Variants in RTTN observed in about 807,000 individuals in gnomAD.
The protein encoded by RTTN is rotatin.
RTTN carries 182 observed loss-of-function variants against 269.2 expected under a neutral mutation model. The ratio of observed to expected loss-of-function variants is 0.68; its 90% CI spans 0.60 to 0.76. RTTN has a LOEUF of 0.76. RTTN is among the 30% of genes least tolerant of loss of function. RTTN has a pLI of 0.00. For synonymous variants in RTTN, 1,006 were observed against 963.5 expected (o/e 1.04, Z -0.82); for missense variants, 2,545 against 2,608.6 (o/e 0.98, Z 0.53).
chr18:70,089,367 G>C (rs558544686), intron 30 of RTTN, among the ~76,000 whole-genome samples: 1 of 152,342 alleles, frequency 6.6e-6, no homozygotes, highest in South Asian at 2.1e-4. Flanking sequence ...AAATCAGGAA[G>C]AGTGCCCTAC....
chr18:70,073,473 A>T (rs1472246443), intron 34 of RTTN, among the ~76,000 whole-genome samples: 2 of 152,184 alleles, frequency 1.3e-5, no homozygotes, highest in Non-Finnish European at 2.9e-5. Flanking sequence ...ATTTCAGGGT[A>T]ATCAACCATT....
intron 17 of RTTN, among the ~76,000 whole-genome samples, chr18:70,147,239 C>T (rs1466382154): frequency 6.6e-6 from 1 of 152,108 alleles, no homozygotes; most frequent in Non-Finnish European, 1.5e-5. Flanking sequence ...AACAGTAGAT[C>T]ACATATGCAA....
chr18:70,085,757 A>G (rs1458091549), intron 32 of RTTN, among the ~76,000 whole-genome samples: 1 of 152,176 alleles, frequency 6.6e-6, no homozygotes, highest in Non-Finnish European at 1.5e-5. Context: ...CTCACGTATA[A>G]GTGGGAGCTA....
intron 35 of RTTN, among the ~76,000 whole-genome samples, chr18:70,061,730 G>A (rs1198686590): frequency 3.3e-5 from 5 of 151,952 alleles, no homozygotes; most frequent in South Asian, 2.1e-4. Context: ...CTGGCTACTC[G>A]GGATGAGGTG....
At chr18:70,167,650 G>A (rs557474244) in intron 12 of RTTN, among the ~76,000 whole-genome samples, 5 of 150,778 alleles carry the variant, frequency 3.3e-5, no homozygotes, top group Admixed American at 1.3e-4. Flanking sequence ...CTTGCAGTGC[G>A]CCAAGACTGC....
At chr18:70,084,092 A>T (rs2058640530) in intron 32 of RTTN, among the ~76,000 whole-genome samples, 1 of 152,160 alleles carries the variant, frequency 6.6e-6, no homozygotes, top group African/African-American at 2.4e-5. Flanking sequence ...GCTACTGTGC[A>T]GAGGAAGGAG....
intron 14 of RTTN, among the ~76,000 whole-genome samples, chr18:70,153,363 A>G (rs1338166145): frequency 6.6e-6 from 1 of 152,062 alleles, no homozygotes; most frequent in Non-Finnish European, 1.5e-5. Context: ...TATTACATAC[A>G]TCTCTCTCTG....
At chr18:70,024,962 T>A (rs2145555205) in intron 43 of RTTN, 114 bp from the exon 44 acceptor site, 1 of 1,209,358 alleles carries the variant, frequency 8.3e-7, no homozygotes, top group South Asian at 1.6e-5. Context: ...ACCCTGTGGA[T>A]GGCTTCAGCA....
chr18:70,199,118 C>T (rs905054929), intron 5 of RTTN, among the ~76,000 whole-genome samples: 22 of 152,020 alleles, frequency 1.4e-4, no homozygotes, highest in African/African-American at 5.1e-4. Flanking sequence ...ACCCAGGAGG[C>T]GGAGGTTGCA....
chr18:70,163,228 A>G (rs1261567722), intron 14 of RTTN, among the ~76,000 whole-genome samples: 1 of 151,960 alleles, frequency 6.6e-6, no homozygotes, highest in Non-Finnish European at 1.5e-5. Context: ...CTAAAAATAC[A>G]AAACTTAGCT....
rs771453755 is a variant in RTTN at position 70,087,994 on chromosome 18, G to A, written c.4297C>T (p.Arg1433Trp). 6 of 1,612,028 alleles carry A rather than the reference G, an allele frequency of 3.7e-6. No homozygotes were observed. Among genetic ancestry groups the A allele is most frequent in the East Asian group, 2.2e-5 (1 of 44,850 alleles). ...LDQSECSMVR[R>W]EAAFILQNLL... ...AGGAGAAAAGACAGACATACCTCCC[G>A]GCGCACCATACTACATTCTGACTGG... The change falls in exon 31 of 49, where the codon CGG becomes TGG. Residue 1433 changes from arginine to tryptophan, a missense_variant. Coordinates refer to ENST00000640769, the MANE Select transcript of RTTN (RefSeq NM_173630.4).
At position 70,197,654 on chromosome 18, in the gene RTTN, C is replaced by A; in HGVS notation, c.663G>T (p.Glu221Asp). Reference protein sequence around the residue: ...KDVIMQDFPAEIFLQRPKIVQ... With the variant: ...KDVIMQDFPADIFLQRPKIVQ... Reference sequence around the variant, plus strand: ...CAATTTTTGGCCTTTGAAGGAAAATCTCAGCAGGAAAATCTTGCATGATAA... The same window carrying A: ...CAATTTTTGGCCTTTGAAGGAAAATATCAGCAGGAAAATCTTGCATGATAA... Residue 221 changes from glutamate to aspartate, a missense_variant, in exon 6 of 49, where the codon GAG becomes GAT. Coordinates refer to ENST00000640769, the MANE Select transcript of RTTN (RefSeq NM_173630.4). 1 of 1,613,684 alleles carries A rather than the reference C, an allele frequency of 6.2e-7. No individual in the cohort carries two copies. Among genetic ancestry groups the A allele is most frequent in the South Asian group, 1.1e-5 (1 of 91,062 alleles).
At chr18:70,143,268 T>A (rs937760554) in intron 18 of RTTN, among the ~76,000 whole-genome samples, 1 of 152,114 alleles carries the variant, frequency 6.6e-6, no homozygotes, top group Non-Finnish European at 1.5e-5. Context: ...CAAATACAAA[T>A]CATTCTACCA....
chr18:70,105,543 G>C (rs2059299311), intron 28 of RTTN, among the ~76,000 whole-genome samples: 2 of 152,152 alleles, frequency 1.3e-5, no homozygotes, highest in Admixed American at 1.3e-4. Context: ...ACCTCAGCTG[G>C]AAATGCAAAA....
At position 70,188,005 on chromosome 18, in the gene RTTN, A is replaced by G. The variant is rs1171538868; in HGVS notation, c.1305+103T>C. 24 of 678,004 alleles carry G rather than the reference A, an allele frequency of 3.5e-5. No individual in the cohort carries two copies. The South Asian group carries it at 4.1e-4, about 11-fold the overall frequency. The allele number at this position is 678,004 out of a possible 1,614,324, so 42.0% of individuals were successfully genotyped here. A position where few individuals can be genotyped will look rare whatever the true frequency, so the allele number is the denominator to read the frequency against. On this transcript the variant is annotated intron_variant, in intron 10 of 48. Coordinates refer to ENST00000640769, the MANE Select transcript of RTTN (RefSeq NM_173630.4). ...GCCTGGGACATATTGAGTCAAAAAG[A>G]AAAAAGATTTTGAACACGAATGAGA...
At chr18:70,098,953 C>A (rs2059079989) in intron 28 of RTTN, among the ~76,000 whole-genome samples, 1 of 152,148 alleles carries the variant, frequency 6.6e-6, no homozygotes, top group Admixed American at 6.5e-5. Context: ...TCATCCATGT[C>A]CCTACAAAGG....
intron 10 of RTTN, among the ~76,000 whole-genome samples, chr18:70,184,347 A>G (rs2061484960): frequency 6.6e-6 from 1 of 152,142 alleles, no homozygotes; most frequent in African/African-American, 2.4e-5. Flanking sequence ...TGAGGTCAGG[A>G]GTTCGAGACC....
At chr18:70,120,011 C>T (rs1207331510) in intron 26 of RTTN, among the ~76,000 whole-genome samples, 1 of 152,064 alleles carries the variant, frequency 6.6e-6, no homozygotes, top group Non-Finnish European at 1.5e-5. Flanking sequence ...AATTTAATCC[C>T]CAAAGTAACA....
intron 30 of RTTN, 31 bp downstream of exon 30, chr18:70,092,079 C>G (rs367907956): frequency 3.1e-5 from 44 of 1,433,178 alleles, no homozygotes; most frequent in Non-Finnish European, 4.2e-5. Flanking sequence ...TTAATCTAAA[C>G]ACAATACACT....
Sources: gnomAD v4.1 joint callset for allele counts (sites outside exome capture counted in the v4.1 genomes callset) on GRCh38, gnomAD v4.1.1 for gene constraint, MANE v1.5 for transcripts, NCBI Gene and HGNC (gene_info 2026-07-23, HGNC 2026-07-21) for gene names.